The following PMPCB variants were observed in gnomAD, a reference collection of about 807,000 sequenced individuals.
PMPCB encodes peptidase, mitochondrial processing subunit beta, also known as mitochondrial-processing peptidase subunit beta.
Under a neutral mutation model 61.5 loss-of-function variants are expected in PMPCB, and 46 were observed. The observed-to-expected ratio is 0.75, with a 90% CI of 0.59 to 0.96. PMPCB has a LOEUF of 0.96. Among genes scored for constraint, PMPCB ranks in the 40% least tolerant of loss-of-function variants. PMPCB has a pLI of 0.00. For synonymous variants in PMPCB, 191 were observed against 201.6 expected, an observed-to-expected ratio of 0.95 and a Z score of 0.44; for missense variants, 590 against 602.4, an observed-to-expected ratio of 0.98 and a Z score of 0.22.
chr7:103,302,204 T>C (rs13228883), intron 4 of PMPCB, among the ~76,000 whole-genome samples: 12 of 152,208 alleles, frequency 7.9e-5, no homozygotes, highest in Non-Finnish European at 1.6e-4. Flanking sequence ...CTATCATTGA[T>C]GGACATTTGG....
At chr7:103,333,722 C>G (rs1034040558), downstream of PMPCB, among the ~76,000 whole-genome samples, 6 of 152,178 alleles carry the variant, frequency 3.9e-5, no homozygotes, top group Non-Finnish European at 8.8e-5. Flanking sequence ...TTTGCATGTT[C>G]TTGAGCTTCA....
downstream of PMPCB, chr7:103,316,701 A>C: frequency 1.3e-6 from 1 of 769,158 alleles, no homozygotes; most frequent in Non-Finnish European, 2.1e-6. Context: ...CACTTTTCAC[A>C]CTTTTCTGCT....
chr7:103,326,777 C>A, intron 12 of PMPCB: 1 of 1,262,374 alleles, frequency 7.9e-7, no homozygotes, highest in South Asian at 1.6e-5. Context: ...ACATAGAAGT[C>A]ATTAATTTTC....
chr7:103,335,072 G>T, the PMPCB span, among the ~76,000 whole-genome samples: 1 of 152,156 alleles, frequency 6.6e-6, no homozygotes, highest in African/African-American at 2.4e-5. Context: ...GACCTCAGGT[G>T]ATCCACCTGC....
chr7:103,341,840 G>A, the PMPCB span: 2 of 1,612,162 alleles, frequency 1.2e-6, no homozygotes, highest in Admixed American at 1.7e-5. Flanking sequence ...TGATTCCTCG[G>A]ATAACTCTTT....
At chr7:103,319,362 G>A (rs560006042), downstream of PMPCB, among the ~76,000 whole-genome samples, 1 of 152,006 alleles carries the variant, frequency 6.6e-6, no homozygotes, top group Non-Finnish European at 1.5e-5. Flanking sequence ...ACTTGAACCC[G>A]GGAGGCGGAG....
chr7:103,325,630 C>T (rs1818665200), intron 12 of PMPCB, among the ~76,000 whole-genome samples: 1 of 152,188 alleles, frequency 6.6e-6, no homozygotes, highest in African/African-American at 2.4e-5. Context: ...CCAGGTGGAA[C>T]TCAGGCATCA....
intron 12 of PMPCB, among the ~76,000 whole-genome samples, chr7:103,322,353 A>C (rs896522612): frequency 6.6e-6 from 1 of 152,166 alleles, no homozygotes; most frequent in African/African-American, 2.4e-5. Flanking sequence ...GGTAAGGAAG[A>C]TCTCTCAATT....
Position 103,298,569 on chromosome 7 carries a change from CATT to C in PMPCB, c.104_106del (p.Leu35del), listed in dbSNP as rs776285475. 3.2e-5 allele frequency: 51 copies of C among 1,613,622 alleles called. 1 individual carries two copies. In the South Asian group the frequency reaches 4.0e-4, roughly 13 times the overall value. On this transcript the variant is annotated inframe_deletion and splice_region_variant, in exon 2 of 13. Coordinates refer to ENST00000249269, the MANE Select transcript of PMPCB (RefSeq NM_004279.3). ...CTTCCACTTCCTACCCCCAACCAGTCATTATATTTTGGAGAGAACAGATTAAGA... is the reference window on the plus strand; with the variant it reads ...CTTCCACTTCCTACCCCCAACCAGTCATATTTTGGAGAGAACAGATTAAGA...
intron 12 of PMPCB, among the ~76,000 whole-genome samples, chr7:103,326,003 T>A (rs1033294734): frequency 6.6e-6 from 1 of 152,146 alleles, no homozygotes. Context: ...AGCAAAATTT[T>A]TTTTTTTTGA....
exon 13 of PMPCB, chr7:103,329,068 G>T: frequency 9.5e-7 from 1 of 1,054,082 alleles, no homozygotes; most frequent in Non-Finnish European, 1.2e-6. Flanking sequence ...TAAAATTTGT[G>T]ATTATCGCTG....
the PMPCB span, chr7:103,335,350 T>C: frequency 1.2e-4 from 18 of 152,300 alleles, no homozygotes; most frequent in African/African-American, 3.8e-4. Flanking sequence ...GTAGCAACTG[T>C]GTTTTACAGT....
the PMPCB span, chr7:103,335,764 T>A: frequency 6.6e-6 from 1 of 152,318 alleles, no homozygotes; most frequent in Non-Finnish European, 1.5e-5. Flanking sequence ...CGGGCTAGTA[T>A]TGAACTCCAG....
rs1389351669 is a variant in PMPCB, at chr7:103,312,586, T to C, written c.*315T>C. 6.2e-7 allele frequency: 1 copy of C among 1,613,268 alleles called. No individual in the cohort carries two copies. The highest frequency in any genetic ancestry group is 1.3e-5 in the African/African-American group (1 of 75,046). The stretch of plus-strand genomic sequence containing the variant: ...AAAGATTGTCATTTCTTGGCTCTAC[T>C]TGCATTCAGCACTTGTTCTTGAGCA... On this transcript the variant is annotated 3_prime_UTR_variant, in exon 13 of 13. Transcript: ENST00000249269.
chr7:103,329,900 C>G (rs1187246865), downstream of PMPCB, among the ~76,000 whole-genome samples: 1 of 151,964 alleles, frequency 6.6e-6, no homozygotes. Flanking sequence ...TCCTTCTTTC[C>G]AATAGTTGTC....
chr7:103,317,131 A>G (rs2115800028), downstream of PMPCB: 2 of 918,682 alleles, frequency 2.2e-6, no homozygotes, highest in Non-Finnish European at 3.3e-6. Context: ...CTCTGACCCC[A>G]TACTCCTCTC....
chr7:103,320,903 T>C lies in PMPCB; in HGVS notation c.*1432-8028T>C, dbSNP rs1238232653. On this transcript the variant is annotated intron_variant and NMD_transcript_variant, in intron 12 of 12. Transcript: ENST00000444457. ...ACATTTGCATAGTAAAGAAAAGAAA[T>C]ACATTTATGCTTGGCCAGGTGCAGT... 3.4e-5 allele frequency: 5 copies of C among 145,656 alleles called. 1 individual carries two copies. In the South Asian group the frequency reaches 6.4e-4, roughly 19 times the overall value. The allele number at this position is 145,656 out of a possible 1,614,324, so 9.0% of individuals were successfully genotyped here. A position where few individuals can be genotyped will look rare whatever the true frequency, so the allele number is the denominator to read the frequency against.
chr7:103,311,819 AT>A lies in PMPCB; in HGVS notation c.1255del (p.Cys419ValfsTer27). 6.2e-7 allele frequency: 1 copy of A among 1,612,468 alleles called. No individual in the cohort carries two copies. The highest frequency in any genetic ancestry group is 8.5e-7 in the Non-Finnish European group (1 of 1,178,880). On this transcript the variant is annotated frameshift_variant, in exon 11 of 13. Coordinates refer to ENST00000249269, the MANE Select transcript of PMPCB (RefSeq NM_004279.3). LOFTEE classifies it high-confidence loss of function. Reference sequence around the variant, plus strand: ...TTCTCTTTAAACAGGTTCAACTCCAATTTGTGAAGATATTGGTAGGCAAATG... The same window carrying A: ...TTCTCTTTAAACAGGTTCAACTCCAATTGTGAAGATATTGGTAGGCAAATG... ...MLLQLDGSTP[I>X]CEDIGRQMLC...
chr7:103,329,364 C>T (rs1818872119), exon 13 of PMPCB: 1 of 155,642 alleles, frequency 6.4e-6, no homozygotes, highest in Admixed American at 6.5e-5. Flanking sequence ...CAAGTCGGCT[C>T]TAGTCCAGAC....
Sources: allele counts gnomAD v4.1 joint callset (sites outside exome capture counted in the v4.1 genomes callset), GRCh38; gene constraint gnomAD v4.1.1; transcripts MANE v1.5; gene names NCBI Gene and HGNC (gene_info 2026-07-23, HGNC 2026-07-21).